BAZ2B: variants seen among roughly 807,000 people sequenced by gnomAD.
The protein encoded by BAZ2B is bromodomain adjacent to zinc finger domain protein 2B.
Under a neutral mutation model 246.0 loss-of-function variants are expected in BAZ2B, and 91 were observed. That is an observed-to-expected ratio of 0.37 (90% confidence interval 0.31 to 0.44). The LOEUF (loss-of-function observed/expected upper bound fraction) is 0.44, where lower values mean the gene tolerates loss of function less well. BAZ2B is among the 20% of genes least tolerant of loss of function. The pLI is 1.00. For missense variants in BAZ2B, 2,332 were observed against 2,533.7 expected (o/e 0.92, Z 1.71); for synonymous variants, 855 against 860.0 (o/e 0.99, Z 0.10).
chr2:159,652,946 T>TTTTTA, the BAZ2B span, among the ~76,000 whole-genome samples: 4 of 918 alleles, frequency 4.4e-3, no homozygotes, highest in South Asian at 0.018. Flanking sequence ...TTTATTTTTA[T>TTTTTA]TTTTTTTTTG....
At chr2:159,662,530 CTTTGT>C in the BAZ2B span, among the ~76,000 whole-genome samples, 4 of 151,926 alleles carry the variant, frequency 2.6e-5, no homozygotes, top group Admixed American at 1.3e-4. Flanking sequence ...GTTTGTTTCG[CTTTGT>C]TTTGTTTTTG....
At chr2:159,482,797 T>TA (rs1356396362) in intron 2 of BAZ2B, among the ~76,000 whole-genome samples, 3 of 152,178 alleles carry the variant, frequency 2.0e-5, no homozygotes, top group Non-Finnish European at 4.4e-5. Flanking sequence ...CATGAGTTAC[T>TA]ATTTATAATT....
chr2:159,457,140 A>T (rs980232647), intron 3 of BAZ2B, among the ~76,000 whole-genome samples: 1 of 152,206 alleles, frequency 6.6e-6, no homozygotes, highest in Admixed American at 6.5e-5. Flanking sequence ...CAGTAATTCA[A>T]ACATTTCATG....
At chr2:159,612,902 A>G (rs1241389724) in intron 1 of BAZ2B, among the ~76,000 whole-genome samples, 2 of 152,202 alleles carry the variant, frequency 1.3e-5, no homozygotes, top group Non-Finnish European at 2.9e-5. Flanking sequence ...AATGGGAGAA[A>G]GGGCAACAGA....
intron 1 of BAZ2B, among the ~76,000 whole-genome samples, chr2:159,583,140 G>A (rs575159509): frequency 1.4e-5 from 2 of 143,916 alleles, no homozygotes; most frequent in Admixed American, 7.1e-5. Flanking sequence ...TTGAGACGGA[G>A]TCTCACTCCT....
intron 14 of BAZ2B, among the ~76,000 whole-genome samples, chr2:159,410,781 G>A (rs1369048897): frequency 2.0e-5 from 3 of 152,066 alleles, no homozygotes; most frequent in African/African-American, 7.2e-5. Context: ...AAAATGATTT[G>A]TGTAATATGT....
chr2:159,533,663 G>GTT (rs2085610777), intron 2 of BAZ2B, among the ~76,000 whole-genome samples: 1 of 152,088 alleles, frequency 6.6e-6, no homozygotes, highest in African/African-American at 2.4e-5. Context: ...CACCAAACAA[G>GTT]TATAACTAAT....
the BAZ2B span, among the ~76,000 whole-genome samples, chr2:159,681,670 C>T: frequency 6.6e-6 from 1 of 152,178 alleles, no homozygotes; most frequent in Non-Finnish European, 1.5e-5. Context: ...GTGGCTCACG[C>T]CTGTAATCCC....
chr2:159,511,347 G>A (rs1258658860), intron 2 of BAZ2B, among the ~76,000 whole-genome samples: 1 of 152,020 alleles, frequency 6.6e-6, no homozygotes, highest in East Asian at 1.9e-4. Flanking sequence ...GGGATTACAG[G>A]CACCCAACAC....
intron 13 of BAZ2B, 33 bp from the exon 14 acceptor site, chr2:159,412,578 T>C: frequency 6.4e-7 from 1 of 1,554,498 alleles, no homozygotes; most frequent in Non-Finnish European, 8.7e-7. Flanking sequence ...AATAATATAT[T>C]ACAAACAAAA....
the BAZ2B span, among the ~76,000 whole-genome samples, chr2:159,658,883 G>A: frequency 0.4 from 60,979 of 151,778 alleles, 12,756 homozygotes; most frequent in African/African-American, 0.5. Flanking sequence ...TGAACTCCTG[G>A]GATCAAGCAA....
the BAZ2B span, among the ~76,000 whole-genome samples, chr2:159,701,083 C>T: frequency 5.0e-4 from 76 of 152,206 alleles, 1 homozygote; most frequent in African/African-American, 1.8e-3. Flanking sequence ...TTTTACTATA[C>T]TAAATAGAAG....
chr2:159,680,404 T>C, the BAZ2B span, among the ~76,000 whole-genome samples: 2 of 152,232 alleles, frequency 1.3e-5, no homozygotes, highest in African/African-American at 2.4e-5. Flanking sequence ...AATAAGTATA[T>C]ACATGGATTT....
At chr2:159,462,582 C>T in intron 3 of BAZ2B, 1 of 870,334 alleles carries the variant, frequency 1.1e-6, no homozygotes, top group South Asian at 1.3e-5. Flanking sequence ...AACTCCTTGG[C>T]AGTTTGTGCG....
chr2:159,562,230 A>G (rs754977671), intron 1 of BAZ2B, among the ~76,000 whole-genome samples: 2 of 152,176 alleles, frequency 1.3e-5, no homozygotes, highest in African/African-American at 2.4e-5. Flanking sequence ...TATAATTCCC[A>G]TAGGTTGAAT....
chr2:159,698,507 C>A, the BAZ2B span, among the ~76,000 whole-genome samples: 7 of 119,630 alleles, frequency 5.9e-5, no homozygotes, highest in Non-Finnish European at 1.2e-4. Context: ...GTGTCCCCCA[C>A]CATCCCACAA....
At chr2:159,706,387 C>T in the BAZ2B span, among the ~76,000 whole-genome samples, 1 of 152,180 alleles carries the variant, frequency 6.6e-6, no homozygotes, top group East Asian at 1.9e-4. Flanking sequence ...TGCTGCCTAA[C>T]TTGGCAGAAG....
intron 25 of BAZ2B, among the ~76,000 whole-genome samples, chr2:159,377,842 C>T (rs569669938): frequency 1.4e-5 from 2 of 142,296 alleles, no homozygotes; most frequent in East Asian, 2.1e-4. Context: ...AAGTGAAATA[C>T]TACCTTAAAT....
intron 14 of BAZ2B, among the ~76,000 whole-genome samples, chr2:159,408,643 G>A (rs866433730): frequency 2.6e-5 from 4 of 152,308 alleles, no homozygotes; most frequent in South Asian, 2.1e-4. Context: ...AAAAGGCCGG[G>A]CGCAGCAGCT....
Sources: allele counts gnomAD v4.1 joint callset (sites outside exome capture counted in the v4.1 genomes callset), GRCh38; gene constraint gnomAD v4.1.1; transcripts MANE v1.5; gene names NCBI Gene and HGNC (gene_info 2026-07-23, HGNC 2026-07-21).